Variants in LRP1B observed in about 807,000 individuals in gnomAD.
LRP1B encodes the protein LDL receptor related protein 1B.
Under a neutral mutation model 556.6 loss-of-function variants are expected in LRP1B, and 217 were observed. That is an observed-to-expected ratio of 0.39 (90% CI 0.35 to 0.44). LRP1B has a LOEUF of 0.44. Among genes scored for constraint, LRP1B ranks in the 20% least tolerant of loss-of-function variants. LRP1B has a pLI of 1.00. For synonymous variants in LRP1B, 2,047 were observed against 1,865.8 expected, an observed-to-expected ratio of 1.10 and a Z score of -2.50; for missense variants, 5,053 against 5,620.8, an observed-to-expected ratio of 0.90 and a Z score of 3.23.
chr2:142,055,802 T>C (rs747654351), intron 1 of LRP1B, among the ~76,000 whole-genome samples: 4 of 152,178 alleles, frequency 2.6e-5, no homozygotes, highest in Non-Finnish European at 5.9e-5. Context: ...AAGGCTTTAC[T>C]AAAAATTTGT....
intron 20 of LRP1B, among the ~76,000 whole-genome samples, chr2:140,931,383 T>G (rs537233677): frequency 1.4e-4 from 22 of 152,208 alleles, no homozygotes; most frequent in African/African-American, 5.1e-4. Context: ...TTTACCTCCT[T>G]ATATGTAGTC....
At chr2:140,368,774 C>A (rs888481028) in intron 71 of LRP1B, among the ~76,000 whole-genome samples, 3 of 151,836 alleles carry the variant, frequency 2.0e-5, no homozygotes, top group African/African-American at 7.2e-5. Context: ...ATTCTGGCAT[C>A]CCATTTCCTC....
intron 83 of LRP1B, 32 bp downstream of exon 83, chr2:140,314,903 G>C (rs2105035956): frequency 6.6e-7 from 1 of 1,516,062 alleles, no homozygotes; most frequent in Non-Finnish European, 8.9e-7. Flanking sequence ...AAGTGAAAAA[G>C]ATGTGAAATA....
chr2:140,403,893 T>C (rs1407739483), intron 66 of LRP1B, among the ~76,000 whole-genome samples: 6 of 152,010 alleles, frequency 3.9e-5, no homozygotes, highest in Non-Finnish European at 7.4e-5. Context: ...TCAGGTAGCA[T>C]AAAGGAAAAC....
chr2:141,629,228 T>C (rs1343589219), intron 2 of LRP1B, among the ~76,000 whole-genome samples: 6 of 152,150 alleles, frequency 3.9e-5, no homozygotes, highest in Non-Finnish European at 5.9e-5. Context: ...ATAGTAGTCA[T>C]TTCTAAAGGG....
rs1682979294 is a variant in LRP1B, at chr2:140,371,240, C to T, written c.10814G>A (p.Gly3605Glu). The T allele has an allele frequency of 6.3e-7, 1 of 1,596,202 alleles. No homozygotes were observed. Among genetic ancestry groups the T allele is most frequent in the Non-Finnish European group, 8.5e-7 (1 of 1,171,390 alleles). Reference protein sequence around the residue: ...SSREYICASDGCISASLKCNG... With the variant: ...SSREYICASDECISASLKCNG... The stretch of plus-strand genomic sequence containing the variant: ...ACATTTCAAAGATGCTGAAATACAT[C>T]CATCACTGGCACATATATATTCACG... The change falls in exon 70 of 91, where the codon GGA becomes GAA. Residue 3605 changes from glycine to glutamate, a missense_variant. Physicochemically the swap from Gly to Glu is moderately conservative, Grantham distance 98. Coordinates refer to ENST00000389484, the MANE Select transcript of LRP1B (RefSeq NM_018557.3).
chr2:140,817,777 A>G (rs973947671), intron 31 of LRP1B, among the ~76,000 whole-genome samples: 1 of 150,956 alleles, frequency 6.6e-6, no homozygotes, highest in Non-Finnish European at 1.5e-5. Context: ...GTATGGAGTT[A>G]AAAAATTGCA....
chr2:142,080,298 G>A (rs1011609913), intron 1 of LRP1B, among the ~76,000 whole-genome samples: 3 of 152,148 alleles, frequency 2.0e-5, no homozygotes, highest in South Asian at 2.1e-4. Flanking sequence ...TCTTCTGAGT[G>A]TGTTAAAGTG....
At chr2:140,568,232 C>T (rs140988135) in intron 43 of LRP1B, among the ~76,000 whole-genome samples, 3 of 138,300 alleles carry the variant, frequency 2.2e-5, no homozygotes, top group Non-Finnish European at 3.1e-5. Flanking sequence ...GTAAACAATT[C>T]AACAAAATCA....
chr2:140,955,732 C>T (rs938731075), intron 18 of LRP1B, among the ~76,000 whole-genome samples: 7 of 151,510 alleles, frequency 4.6e-5, no homozygotes, highest in Non-Finnish European at 7.4e-5. Context: ...AATTGTCTTT[C>T]TCTCAAGGGT....
intron 7 of LRP1B, among the ~76,000 whole-genome samples, chr2:141,070,181 A>T (rs1699598701): frequency 6.6e-6 from 1 of 151,944 alleles, no homozygotes; most frequent in Admixed American, 6.6e-5. Flanking sequence ...TATGTGCCAC[A>T]TTTTCTTAAT....
chr2:142,117,218 A>C (rs72851476), intron 1 of LRP1B, among the ~76,000 whole-genome samples: 20,528 of 152,106 alleles, frequency 0.13, 1,843 homozygotes, highest in South Asian at 0.2. Context: ...ATGTTAAGTC[A>C]CAATTGGGTC....
chr2:140,240,162 G>T (rs1471952105), intron 87 of LRP1B, among the ~76,000 whole-genome samples: 1 of 150,772 alleles, frequency 6.6e-6, no homozygotes, highest in Non-Finnish European at 1.5e-5. Context: ...AGGGCAGTTA[G>T]CTTGATTCCA....
chr2:140,898,913 T>C (rs1204729419), intron 23 of LRP1B: 1 of 382,860 alleles, frequency 2.6e-6, no homozygotes, highest in East Asian at 7.0e-5. Context: ...TGGAAGAAGA[T>C]ATCTCAGGTC....
chr2:140,731,352 A>C (rs1687769484), intron 35 of LRP1B, among the ~76,000 whole-genome samples: 1 of 152,184 alleles, frequency 6.6e-6, no homozygotes, highest in Non-Finnish European at 1.5e-5. Context: ...ATAAATGTTG[A>C]TATCCAATAA....
chr2:141,001,320 CTTTTT>C (rs57164437), intron 15 of LRP1B, among the ~76,000 whole-genome samples: 1 of 151,406 alleles, frequency 6.6e-6, no homozygotes, highest in South Asian at 2.1e-4. Context: ...AGCTGTCCAT[CTTTTT>C]TTTTTGTTTT....
intron 66 of LRP1B, among the ~76,000 whole-genome samples, chr2:140,400,688 T>C (rs531078609): frequency 1.3e-5 from 2 of 152,244 alleles, no homozygotes; most frequent in South Asian, 4.1e-4. Flanking sequence ...AGAACTTTTT[T>C]TCCAAAAAGC....
chr2:140,433,841 T>A (rs1315737802), intron 66 of LRP1B, among the ~76,000 whole-genome samples: 1 of 151,896 alleles, frequency 6.6e-6, no homozygotes, highest in Admixed American at 6.6e-5. Context: ...TTTTCTTCTT[T>A]TTTTTTCTCA....
chr2:141,918,026 G>A (rs1030664516), intron 1 of LRP1B, among the ~76,000 whole-genome samples: 3 of 151,740 alleles, frequency 2.0e-5, no homozygotes, highest in Admixed American at 6.6e-5. Context: ...AATATGAAGG[G>A]ATATCCATGT....
Sources: gnomAD v4.1 joint callset for allele counts (sites outside exome capture counted in the v4.1 genomes callset) on GRCh38, gnomAD v4.1.1 for gene constraint, MANE v1.5 for transcripts, NCBI Gene and HGNC (gene_info 2026-07-23, HGNC 2026-07-21) for gene names.